The following MALRD1 variants were observed in gnomAD, a reference collection of about 807,000 sequenced individuals.
MALRD1 encodes MAM and LDL-receptor class A domain-containing protein 1.
MALRD1 carries 247 observed loss-of-function variants against 242.1 expected under a neutral mutation model. That is an observed-to-expected ratio of 1.02 (90% CI 0.92 to 1.13). MALRD1 has a LOEUF of 1.13. Among genes scored for constraint, MALRD1 ranks in the 50% most tolerant of loss-of-function variants. The pLI is 0.00. For missense variants in MALRD1, 2,989 were observed against 2,533.1 expected (o/e 1.18, Z -3.86); for synonymous variants, 995 against 866.6 (o/e 1.15, Z -2.60).
intron 2 of MALRD1, among the ~76,000 whole-genome samples, chr10:19,067,099 G>A (rs1835004383): frequency 6.6e-6 from 1 of 152,070 alleles, no homozygotes; most frequent in East Asian, 1.9e-4. Context: ...TCTCATAATT[G>A]GGTTCCTTGG....
rs887604275 is a variant in MALRD1, at chr10:19,283,014, C to T, written c.3257-5C>T. 4 of 1,535,676 alleles carry T rather than the reference C, an allele frequency of 2.6e-6. No homozygotes were observed. In the African/African-American group the frequency reaches 4.1e-5, roughly 16 times the overall value. The stretch of plus-strand genomic sequence containing the variant: ...TCACCTTTTCTTTGTTCTACCCCAT[C>T]CAAGTTATGGAAGTTTGCAGCTTTG... On this transcript the variant is annotated splice_region_variant and splice_polypyrimidine_tract_variant and intron_variant, in intron 20 of 39. Transcript: ENST00000454679.
At chr10:19,275,439 C>T (rs1377017622) in intron 19 of MALRD1, among the ~76,000 whole-genome samples, 5 of 152,024 alleles carry the variant, frequency 3.3e-5, no homozygotes, top group East Asian at 1.9e-4. Flanking sequence ...GAGGCCAAGG[C>T]GGGCAGATCA....
intron 14 of MALRD1, among the ~76,000 whole-genome samples, chr10:19,195,197 T>C (rs1836183859): frequency 6.6e-6 from 1 of 152,146 alleles, no homozygotes; most frequent in African/African-American, 2.4e-5. Flanking sequence ...TTGGAAAATA[T>C]CTCTTGTAAA....
chr10:19,195,978 A>C (rs181602801), intron 14 of MALRD1, among the ~76,000 whole-genome samples: 1 of 152,066 alleles, frequency 6.6e-6, no homozygotes. Context: ...CTGACATACT[A>C]TTTCACTGAA....
intron 28 of MALRD1, among the ~76,000 whole-genome samples, chr10:19,401,136 T>C (rs1054541538): frequency 6.6e-6 from 1 of 152,128 alleles, no homozygotes; most frequent in African/African-American, 2.4e-5. Flanking sequence ...TCACCAATTA[T>C]TGGATAGTAA....
chr10:19,572,778 G>A (rs1589253827), intron 33 of MALRD1, among the ~76,000 whole-genome samples: 1 of 152,182 alleles, frequency 6.6e-6, no homozygotes, highest in East Asian at 1.9e-4. Flanking sequence ...ACCATGTAAT[G>A]AAGGGGGCAG....
At chr10:19,491,756 A>G in intron 30 of MALRD1, 111 bp downstream of exon 30, 1 of 1,243,158 alleles carries the variant, frequency 8.0e-7, no homozygotes, top group Non-Finnish European at 1.1e-6. Context: ...TTCATGCACT[A>G]GAGTAGATTT....
At chr10:19,299,176 T>C (rs1841835809) in intron 21 of MALRD1, among the ~76,000 whole-genome samples, 1 of 151,990 alleles carries the variant, frequency 6.6e-6, no homozygotes, top group South Asian at 2.1e-4. Context: ...ATAATATTGA[T>C]GGACTTATAA....
At chr10:19,053,411 C>CAG (rs1834566822) in intron 1 of MALRD1, among the ~76,000 whole-genome samples, 1 of 152,184 alleles carries the variant, frequency 6.6e-6, no homozygotes, top group Non-Finnish European at 1.5e-5. Context: ...TTTGGTGCTG[C>CAG]TGCTGCTTCT....
intron 8 of MALRD1, 144 bp downstream of exon 8, chr10:19,128,531 T>A: frequency 2.1e-6 from 1 of 484,038 alleles, no homozygotes; most frequent in African/African-American, 2.0e-5. Context: ...AAAAGAATGA[T>A]TAAGAAACTA....
At chr10:19,299,877 T>C (rs989666293) in intron 21 of MALRD1, among the ~76,000 whole-genome samples, 3 of 151,624 alleles carry the variant, frequency 2.0e-5, no homozygotes, top group Non-Finnish European at 4.4e-5. Flanking sequence ...GGGCAATCAA[T>C]CAAGAGAAAC....
At chr10:19,727,680 C>T (rs1260980325) in intron 38 of MALRD1, among the ~76,000 whole-genome samples, 1 of 151,930 alleles carries the variant, frequency 6.6e-6, no homozygotes, top group African/African-American at 2.4e-5. Flanking sequence ...AACCTCAATT[C>T]TTACAACTCA....
chr10:19,508,604 G>A (rs780057613), intron 31 of MALRD1, among the ~76,000 whole-genome samples: 13 of 152,178 alleles, frequency 8.5e-5, no homozygotes, highest in Admixed American at 2.0e-4. Context: ...TGTAAATTAC[G>A]AACTGGATTT....
Position 19,491,513 on chromosome 10 carries a change from C to G in MALRD1, c.5030-4C>G, listed in dbSNP as rs796878250. The G allele has an allele frequency of 3.2e-6, 5 of 1,548,790 alleles. No homozygotes were observed. Among genetic ancestry groups the G allele is most frequent in the East Asian group, 4.9e-5 (2 of 40,868 alleles). On this transcript the variant is annotated splice_region_variant and splice_polypyrimidine_tract_variant and intron_variant, in intron 29 of 39. Transcript: ENST00000454679. ...ACTGCTTTTGTTTTTTTGTTTTTCC[C>G]TAGTGGGAGAGATCTCTGAGCTTTG...
At chr10:19,163,770 A>G (rs1333120882) in intron 12 of MALRD1, among the ~76,000 whole-genome samples, 1 of 152,244 alleles carries the variant, frequency 6.6e-6, no homozygotes, top group Non-Finnish European at 1.5e-5. Flanking sequence ...TTGGTATTTA[A>G]TAACTTAAGA....
chr10:19,310,765 TA>T (rs1027300642), intron 21 of MALRD1, among the ~76,000 whole-genome samples: 2 of 151,500 alleles, frequency 1.3e-5, no homozygotes, highest in Non-Finnish European at 3.0e-5. Flanking sequence ...AACGATCTCG[TA>T]ATCATCTTTC....
At chr10:19,066,361 C>T (rs1246770601) in intron 1 of MALRD1, among the ~76,000 whole-genome samples, 2 of 152,126 alleles carry the variant, frequency 1.3e-5, no homozygotes, top group Non-Finnish European at 2.9e-5. Flanking sequence ...GCTTGAGAGA[C>T]ACAGGACAGG....
At chr10:19,504,418 G>A (rs1247157439) in intron 31 of MALRD1, among the ~76,000 whole-genome samples, 4 of 151,560 alleles carry the variant, frequency 2.6e-5, no homozygotes, top group African/African-American at 7.3e-5. Context: ...CTCTGATAGA[G>A]TAGAGAGAGA....
At chr10:19,187,390 G>A (rs1172745886) in intron 14 of MALRD1, among the ~76,000 whole-genome samples, 1 of 152,122 alleles carries the variant, frequency 6.6e-6, no homozygotes, top group Non-Finnish European at 1.5e-5. Flanking sequence ...CAGTTACAAG[G>A]TGGTATTGTA....
Sources: allele counts gnomAD v4.1 joint callset (sites outside exome capture counted in the v4.1 genomes callset), GRCh38; gene constraint gnomAD v4.1.1; transcripts MANE v1.5; gene names NCBI Gene and HGNC (gene_info 2026-07-23, HGNC 2026-07-21).